LAMC1: variants seen among roughly 807,000 people sequenced by gnomAD.
LAMC1 encodes laminin subunit gamma-1.
A neutral mutation model predicts 173.6 loss-of-function variants in LAMC1; 38 were observed. That is an observed-to-expected ratio of 0.22 (90% confidence interval 0.17 to 0.29). The LOEUF is 0.29. LAMC1 is among the 10% of genes least tolerant of loss of function. The probability of loss-of-function intolerance (pLI) is 1.00; values close to 1 mark genes in which losing one functional copy is unlikely to be tolerated. For synonymous variants in LAMC1, 746 were observed against 749.1 expected, an observed-to-expected ratio of 1.00 and a Z score of 0.07; for missense variants, 1,824 against 2,051.8, an observed-to-expected ratio of 0.89 and a Z score of 2.14.
intron 1 of LAMC1, among the ~76,000 whole-genome samples, chr1:183,095,029 A>G (rs1655657440): frequency 6.6e-6 from 1 of 152,144 alleles, no homozygotes; most frequent in Non-Finnish European, 1.5e-5. Flanking sequence ...TATTTTTACT[A>G]GAGACGGGGT....
chr1:183,132,842 C>T (rs1465969639), intron 21 of LAMC1, among the ~76,000 whole-genome samples: 1 of 152,074 alleles, frequency 6.6e-6, no homozygotes, highest in South Asian at 2.1e-4. Context: ...AATTGAACTA[C>T]AAATCTTTAA....
At chr1:183,037,236 C>T (rs1654007017) in intron 1 of LAMC1, among the ~76,000 whole-genome samples, 1 of 152,222 alleles carries the variant, frequency 6.6e-6, no homozygotes, top group African/African-American at 2.4e-5. Context: ...GTGTACCCTA[C>T]CTCATTTCCT....
chr1:183,050,290 T>TC (rs1654382311), intron 1 of LAMC1, among the ~76,000 whole-genome samples: 1 of 146,642 alleles, frequency 6.8e-6, no homozygotes, highest in Admixed American at 6.7e-5. Context: ...TCTTTTTTTT[T>TC]TTTTTTTTTT....
intron 27 of LAMC1, 90 bp from the exon 28 acceptor site, chr1:183,142,444 G>T (rs960068939): frequency 2.9e-6 from 4 of 1,358,996 alleles, no homozygotes; most frequent in Non-Finnish European, 4.0e-6. Context: ...AATGGCAGCT[G>T]CTGGGCCTAG....
intron 1 of LAMC1, among the ~76,000 whole-genome samples, chr1:183,062,075 A>G (rs567898764): frequency 6.6e-6 from 1 of 152,238 alleles, no homozygotes; most frequent in Non-Finnish European, 1.5e-5. Flanking sequence ...AATATATAAA[A>G]CAGGTAAGAA....
intron 1 of LAMC1, among the ~76,000 whole-genome samples, chr1:183,083,431 AC>A (rs34472239): frequency 0.12 from 17,645 of 152,138 alleles, 1,147 homozygotes; most frequent in Admixed American, 0.2. Flanking sequence ...CCCATATACT[AC>A]CTGATGTATG....
In LAMC1 at chr1:183,116,917, C is replaced by T. The variant is rs761540784; in HGVS notation, c.1564+14C>T. 1 of 1,609,446 alleles carries T rather than the reference C, an allele frequency of 6.2e-7. No individual in the cohort carries two copies. Among genetic ancestry groups the T allele is most frequent in the Non-Finnish European group, 8.5e-7 (1 of 1,176,692 alleles). On this transcript the variant is annotated intron_variant, in intron 8 of 27. Transcript: ENST00000258341. Reference sequence around the variant, plus strand: ...CCTTTCAGATTGGTAATTTAGACCTCATCCCCCAACCTGTTAGAACTGTGA... The same window carrying T: ...CCTTTCAGATTGGTAATTTAGACCTTATCCCCCAACCTGTTAGAACTGTGA...
At chr1:183,088,065 AGT>A (rs1655478210) in intron 1 of LAMC1, among the ~76,000 whole-genome samples, 2 of 152,056 alleles carry the variant, frequency 1.3e-5, no homozygotes, top group Admixed American at 1.3e-4. Context: ...CGCCTCCCAA[AGT>A]GCTGGGATTA....
intron 1 of LAMC1, among the ~76,000 whole-genome samples, chr1:183,045,827 C>T (rs1328973547): frequency 6.6e-6 from 1 of 152,036 alleles, no homozygotes; most frequent in African/African-American, 2.4e-5. Flanking sequence ...TGAGAATTCT[C>T]AAATTTTGAT....
chr1:183,083,347 CT>C (rs1655336213), intron 1 of LAMC1, among the ~76,000 whole-genome samples: 1 of 152,170 alleles, frequency 6.6e-6, no homozygotes, highest in African/African-American at 2.4e-5. Context: ...GCAAGGCATC[CT>C]TCCATCTGGG....
chr1:183,126,836 A>G (rs746169764), intron 16 of LAMC1, among the ~76,000 whole-genome samples: 2 of 152,270 alleles, frequency 1.3e-5, no homozygotes, highest in Admixed American at 1.3e-4. Context: ...TGAATAAACA[A>G]ACTATAAGAT....
chr1:183,050,020 G>T (rs965195666), intron 1 of LAMC1, among the ~76,000 whole-genome samples: 6 of 152,162 alleles, frequency 3.9e-5, no homozygotes, highest in Admixed American at 2.6e-4. Context: ...AGAATCTTAT[G>T]TGCTAAAGAT....
chr1:183,032,756 T>G (rs2102008244), intron 1 of LAMC1, among the ~76,000 whole-genome samples: 1 of 152,294 alleles, frequency 6.6e-6, no homozygotes, highest in South Asian at 2.1e-4. Context: ...AAATTTTGTT[T>G]CATGATGATA....
In LAMC1 at chr1:183,130,547, G is replaced by A; in HGVS notation, c.3484G>A (p.Val1162Met). Residue 1162 changes from valine (V) to methionine (M), a missense_variant and splice_region_variant, in exon 19 of 28, where the codon GTG becomes ATG. By Grantham distance (21) the Val-to-Met change is conservative. Coordinates refer to ENST00000258341, the MANE Select transcript of LAMC1 (RefSeq NM_002293.4). ...GAAAGCAAAAGTCGCTGCTGCCAAT[G>A]TGGTAAGTGATTGCAAACGTCTGAG... ...LEKAKVAAAN[V>M]SVTQPESTGD... 1 of 1,613,952 alleles carries A rather than the reference G, an allele frequency of 6.2e-7. No individual in the cohort carries two copies. Among genetic ancestry groups the A allele is most frequent in the Non-Finnish European group, 8.5e-7 (1 of 1,179,802 alleles).
chr1:183,129,195 C>T (rs996274856), intron 18 of LAMC1, among the ~76,000 whole-genome samples: 4 of 149,948 alleles, frequency 2.7e-5, no homozygotes, highest in Admixed American at 1.3e-4. Flanking sequence ...AAGTGATTCT[C>T]CTGCCTCAGC....
intron 1 of LAMC1, among the ~76,000 whole-genome samples, chr1:183,047,620 T>C (rs1248270744): frequency 6.6e-6 from 1 of 152,200 alleles, no homozygotes; most frequent in East Asian, 1.9e-4. Flanking sequence ...TGGGGATAGA[T>C]AGACCCATGT....
chr1:183,138,851 C>G (rs566373021), intron 26 of LAMC1, among the ~76,000 whole-genome samples: 1 of 151,962 alleles, frequency 6.6e-6, no homozygotes, highest in African/African-American at 2.4e-5. Flanking sequence ...GTCAGGAATT[C>G]GAGACCAGCC....
chr1:183,024,038 G>C lies in LAMC1; in HGVS notation c.322G>C (p.Asp108His). 6.2e-7 allele frequency: 1 copy of C among 1,612,764 alleles called. No homozygotes were observed. The highest frequency in any genetic ancestry group is 8.5e-7 in the Non-Finnish European group (1 of 1,179,700). ...GCAGCACGGGGCAGCCTTCCTGACCGACTACAACAACCAGGCCGACACCAC... is the reference window on the plus strand; with the variant it reads ...GCAGCACGGGGCAGCCTTCCTGACCCACTACAACAACCAGGCCGACACCAC... ...HLQHGAAFLT[D>H]YNNQADTTWW... Residue 108 changes from aspartate to histidine, a missense_variant, in exon 1 of 28, where the codon GAC becomes CAC. Physicochemically the swap from Asp to His is moderately conservative, Grantham distance 81. Transcript: ENST00000258341.
intron 1 of LAMC1, among the ~76,000 whole-genome samples, chr1:183,052,154 C>T (rs557810180): frequency 8.1e-4 from 124 of 152,200 alleles, no homozygotes; most frequent in African/African-American, 2.9e-3. Flanking sequence ...ACTTCTGCTT[C>T]CCCTGTTTTG....
Sources: allele counts gnomAD v4.1 joint callset (sites outside exome capture counted in the v4.1 genomes callset), GRCh38; gene constraint gnomAD v4.1.1; transcripts MANE v1.5; gene names NCBI Gene and HGNC (gene_info 2026-07-23, HGNC 2026-07-21).